TF: variants seen among roughly 807,000 people sequenced by gnomAD.
TF encodes transferrin, also known as serotransferrin.
Under a neutral mutation model 82.4 loss-of-function variants are expected in TF, and 55 were observed. That is an observed-to-expected ratio of 0.67 (90% CI 0.54 to 0.84). The LOEUF (loss-of-function observed/expected upper bound fraction) is 0.84. TF is among the 40% of genes least tolerant of loss of function. The pLI is 0.00. For synonymous variants in TF, 332 were observed against 332.6 expected (o/e 1.00, Z 0.02); for missense variants, 737 against 868.4 (o/e 0.85, Z 1.90).
chr3:133,700,656 G>C, the TF span, among the ~76,000 whole-genome samples: 1 of 152,186 alleles, frequency 6.6e-6, no homozygotes, highest in African/African-American at 2.4e-5. Context: ...TGGATCTGGG[G>C]GGTGGCCCCT....
At chr3:133,774,953 C>T (rs1314639261) in intron 14 of TF, 4 of 370,796 alleles carry the variant, frequency 1.1e-5, no homozygotes, top group Non-Finnish European at 2.1e-5. Context: ...TGTGCACATT[C>T]TCATTTAGAA....
At chr3:133,734,764 CAT>C in the TF span, among the ~76,000 whole-genome samples, 1 of 150,886 alleles carries the variant, frequency 6.6e-6, no homozygotes, top group Non-Finnish European at 1.5e-5. Context: ...TGAGTCAAAT[CAT>C]GTGGTGATGC....
At chr3:133,684,019 A>C in the TF span, among the ~76,000 whole-genome samples, 1 of 152,272 alleles carries the variant, frequency 6.6e-6, no homozygotes, top group Non-Finnish European at 1.5e-5. Flanking sequence ...ACCACAGTGC[A>C]ATCAAACTAG....
At position 133,757,907 on chromosome 3, in the gene TF, G is replaced by A; in HGVS notation, c.1009G>A (p.Glu337Lys). 6.2e-7 allele frequency: 1 copy of A among 1,614,228 alleles called. No homozygotes were observed. Among genetic ancestry groups the A allele is most frequent in the South Asian group, 1.1e-5 (1 of 91,086 alleles). Residue 337 changes from glutamate (E) to lysine (K), a missense_variant, in exon 8 of 17, where the codon GAG (glutamate) becomes AAG (lysine). Glu to Lys is a moderately conservative substitution (Grantham distance 56, BLOSUM62 1). Transcript: ENST00000402696. ...RMDAKMYLGY[E>K]YVTAIRNLRE... ...GGATGCCAAGATGTACCTGGGCTAT[G>A]AGTATGTCACTGCCATCCGGAATCT...
the TF span, among the ~76,000 whole-genome samples, chr3:133,699,224 G>A: frequency 5.4e-3 from 830 of 152,370 alleles, 2 homozygotes; most frequent in Non-Finnish European, 9.6e-3. Context: ...CCCTGGGCCA[G>A]GCACACTGCC....
the TF span, among the ~76,000 whole-genome samples, chr3:133,728,388 C>T: frequency 1.3e-5 from 2 of 152,164 alleles, no homozygotes; most frequent in South Asian, 2.1e-4. Context: ...TCCCTTCTCT[C>T]TTCATTTCAT....
the TF span, among the ~76,000 whole-genome samples, chr3:133,736,631 C>CAAAAAAAAAAAAA: frequency 1.2e-4 from 4 of 32,560 alleles, no homozygotes; most frequent in Admixed American, 4.7e-4. Context: ...AATGGAAAGC[C>CAAAAAAAAAAAAA]AAAAAAAAAA....
At chr3:133,679,593 TA>T in the TF span, among the ~76,000 whole-genome samples, 3 of 148,106 alleles carry the variant, frequency 2.0e-5, no homozygotes, top group Non-Finnish European at 4.5e-5. Flanking sequence ...TTTTTTTTTT[TA>T]CTCAGCATAA....
the TF span, among the ~76,000 whole-genome samples, chr3:133,736,600 TAGA>T: frequency 4.9e-5 from 2 of 41,004 alleles, no homozygotes; most frequent in African/African-American, 2.0e-4. Flanking sequence ...AATAAAGAGA[TAGA>T]AGAAGATTTA....
At chr3:133,685,719 A>T in the TF span, among the ~76,000 whole-genome samples, 50 of 152,346 alleles carry the variant, frequency 3.3e-4, no homozygotes, top group African/African-American at 1.1e-3. Flanking sequence ...CAAATGGAAG[A>T]ACATTCATTG....
the TF span, among the ~76,000 whole-genome samples, chr3:133,716,136 G>C: frequency 0.011 from 1,634 of 151,970 alleles, 28 homozygotes; most frequent in African/African-American, 0.037. Flanking sequence ...ATGCTGGCAT[G>C]ACTCAGGGCT....
the TF span, among the ~76,000 whole-genome samples, chr3:133,738,211 C>T: frequency 1.4e-4 from 22 of 152,276 alleles, no homozygotes; most frequent in Middle Eastern, 0.01. Flanking sequence ...ATGACAAAAA[C>T]CACATGATTA....
At chr3:133,668,873 G>A in the TF span, among the ~76,000 whole-genome samples, 9 of 152,192 alleles carry the variant, frequency 5.9e-5, no homozygotes, top group African/African-American at 1.9e-4. Context: ...TGCATGTCCC[G>A]TGGATGGGAC....
rs906684841 is a variant in TF at position 133,781,899 on chromosome 3, A to C, written c.*3279A>C. On this transcript the variant is annotated 3_prime_UTR_variant, in exon 17 of 17. Coordinates refer to ENST00000402696, the MANE Select transcript of TF (RefSeq NM_001063.4). ...CCTATGGATTGGAAAAAATATTTGC[A>C]AACTATATATCTAATAAGATACAAC... 4 of 152,222 alleles carry C rather than the reference A, an allele frequency of 2.6e-5. No individual in the cohort carries two copies. The highest frequency in any genetic ancestry group is 5.9e-5 in the Non-Finnish European group (4 of 68,018). The allele number at this position is 152,222 out of a possible 1,614,324, so 9.4% of individuals were successfully genotyped here.
chr3:133,703,482 AG>A, the TF span, among the ~76,000 whole-genome samples: 3 of 152,202 alleles, frequency 2.0e-5, no homozygotes, highest in Non-Finnish European at 4.4e-5. Context: ...TTTATAAAAG[AG>A]GGGAAATTCT....
In TF at chr3:133,746,497, C is replaced by T; in HGVS notation, c.43+14C>T. 1 of 1,593,248 alleles carries T rather than the reference C, an allele frequency of 6.3e-7. No homozygotes were observed. Among genetic ancestry groups the T allele is most frequent in the Non-Finnish European group, 8.5e-7 (1 of 1,175,304 alleles). On this transcript the variant is annotated intron_variant, in intron 1 of 16. Coordinates refer to ENST00000402696, the MANE Select transcript of TF (RefSeq NM_001063.4). The stretch of plus-strand genomic sequence containing the variant: ...GCGCCGTCCTGGGTGAGTGCGGGCA[C>T]GGGGTAGCACCGCAGAGTCGCTGGC...
intron 7 of TF, 89 bp from the exon 8 acceptor site, chr3:133,757,680 T>C: frequency 7.6e-7 from 1 of 1,318,424 alleles, no homozygotes; most frequent in South Asian, 1.2e-5. Context: ...TCATGTTGTT[T>C]CCTGCAGAGA....
At chr3:133,681,371 C>T in the TF span, among the ~76,000 whole-genome samples, 222 of 152,314 alleles carry the variant, frequency 1.5e-3, 3 homozygotes, top group African/African-American at 5.2e-3. Flanking sequence ...GTCGGTGCAG[C>T]CCACGGAGCA....
chr3:133,755,639 A>T, intron 5 of TF, 144 bp downstream of exon 5: 1 of 1,143,548 alleles, frequency 8.7e-7, no homozygotes, highest in Non-Finnish European at 1.3e-6. Context: ...TCAGAAGCAC[A>T]ACCTGGGACT....
Sources: gnomAD v4.1 joint callset for allele counts (sites outside exome capture counted in the v4.1 genomes callset) on GRCh38, gnomAD v4.1.1 for gene constraint, MANE v1.5 for transcripts, NCBI Gene and HGNC (gene_info 2026-07-23, HGNC 2026-07-21) for gene names.